The following NAV3 variants were observed in gnomAD, a reference collection of about 807,000 sequenced individuals.
NAV3 encodes the protein pore membrane and/or filament interacting like protein 1.
In NAV3, 87 loss-of-function variants were observed where a neutral mutation model predicts 244.7. The ratio of observed to expected loss-of-function variants is 0.36; its 90% CI spans 0.30 to 0.42. The LOEUF (loss-of-function observed/expected upper bound fraction) is 0.42, where lower values mean the gene tolerates loss of function less well. Among genes scored for constraint, NAV3 ranks in the 20% least tolerant of loss-of-function variants. NAV3 has a pLI of 1.00. For missense variants in NAV3, 2,663 were observed against 2,893.3 expected (o/e 0.92, Z 1.83); for synonymous variants, 1,126 against 1,042.2 (o/e 1.08, Z -1.55).
At chr12:78,092,193 T>A (rs1261025890) in intron 12 of NAV3, among the ~76,000 whole-genome samples, 1 of 152,132 alleles carries the variant, frequency 6.6e-6, no homozygotes, top group East Asian at 1.9e-4. Context: ...AACAGGTATC[T>A]GTGGAAATTG....
At chr12:78,004,874 T>C (rs1388902630) in intron 7 of NAV3, among the ~76,000 whole-genome samples, 1 of 152,218 alleles carries the variant, frequency 6.6e-6, no homozygotes, top group African/African-American at 2.4e-5. Flanking sequence ...GCTGCTGTTA[T>C]GACTATTACT....
chr12:78,188,701 T>A lies in NAV3; in HGVS notation c.5979T>A (p.His1993Gln). Residue 1993 changes from histidine (H) to glutamine (Q), a missense_variant, in exon 33 of 40, where the codon CAT becomes CAA. Around this residue, in one of 6 missense-constraint regions of NAV3, gnomAD observed 543 missense variants for 672.4 expected, o/e 0.81. Transcript: ENST00000397909. ...SYCIGDLIRS[H>Q]NLEVPELLPC... ...GTATAGGAGACTTAATTAGATCCCATAACCTAGAAGTGCCTGAATTGCTGC... is the reference window on the plus strand; with the variant it reads ...GTATAGGAGACTTAATTAGATCCCAAAACCTAGAAGTGCCTGAATTGCTGC... 1.2e-6 allele frequency: 2 copies of A among 1,612,572 alleles called. No homozygotes were observed. The highest frequency in any genetic ancestry group is 1.7e-6 in the Non-Finnish European group (2 of 1,179,010).
At position 78,094,360 on chromosome 12, in the gene NAV3, G is replaced by T. The variant is rs187065011; in HGVS notation, c.2637-22412G>T. Among the ~76,000 whole-genome samples the T allele has an allele frequency of 1.2e-4, 18 of 152,286 alleles. No homozygotes were observed. In the East Asian group the frequency reaches 3.5e-3, roughly 29 times the overall value. ...ATGCCTGAGATTTAACCTATGGCCA[G>T]GTTGTTAAACAGTGGACTGTTTATT... On this transcript the variant is annotated intron_variant, in intron 12 of 39. Coordinates refer to ENST00000397909, the MANE Select transcript of NAV3 (RefSeq NM_001024383.2).
chr12:77,892,527 T>G (rs1344574376), intron 1 of NAV3, among the ~76,000 whole-genome samples: 1 of 152,098 alleles, frequency 6.6e-6, no homozygotes, highest in East Asian at 1.9e-4. Flanking sequence ...GCAATTCTCC[T>G]GCCTCAGCCT....
At chr12:77,825,334 T>G (rs1245529722) in intron 2 of NAV3, among the ~76,000 whole-genome samples, 1 of 152,226 alleles carries the variant, frequency 6.6e-6, no homozygotes, top group Non-Finnish European at 1.5e-5. Flanking sequence ...ATTCAGTTTT[T>G]AATTTTTAAA....
chr12:77,872,994 A>T (rs940117538), intron 1 of NAV3, among the ~76,000 whole-genome samples: 1 of 152,222 alleles, frequency 6.6e-6, no homozygotes, highest in Admixed American at 6.5e-5. Flanking sequence ...GTAATTGATC[A>T]TGGGGTGGGG....
intron 2 of NAV3, among the ~76,000 whole-genome samples, chr12:77,579,007 T>A (rs1869225473): frequency 6.6e-6 from 1 of 152,096 alleles, no homozygotes; most frequent in African/African-American, 2.4e-5. Context: ...ATTCCCCTCT[T>A]CTTCTTAGAG....
chr12:77,736,787 C>A (rs1877353687), intron 2 of NAV3, among the ~76,000 whole-genome samples: 1 of 152,212 alleles, frequency 6.6e-6, no homozygotes, highest in African/African-American at 2.4e-5. Context: ...CACTATATGT[C>A]ACCACAGGAA....
At chr12:78,023,132 A>G (rs1179064012) in intron 9 of NAV3, among the ~76,000 whole-genome samples, 2 of 152,216 alleles carry the variant, frequency 1.3e-5, no homozygotes, top group African/African-American at 2.4e-5. Flanking sequence ...ATATTTATAC[A>G]TAAATGTCCT....
intron 3 of NAV3, among the ~76,000 whole-genome samples, chr12:77,962,564 C>G (rs1175866612): frequency 1.3e-5 from 2 of 152,156 alleles, no homozygotes; most frequent in Admixed American, 1.3e-4. Flanking sequence ...CATTTCTCAT[C>G]ACCTTCACTG....
At chr12:77,725,272 A>T (rs1382559652) in intron 2 of NAV3, among the ~76,000 whole-genome samples, 2 of 152,018 alleles carry the variant, frequency 1.3e-5, no homozygotes, top group East Asian at 3.9e-4. Flanking sequence ...TAATAATATT[A>T]TCCTGGGAGC....
At chr12:78,127,373 C>G (rs1240991450) in intron 17 of NAV3, among the ~76,000 whole-genome samples, 165 bp downstream of exon 17, 1 of 151,946 alleles carries the variant, frequency 6.6e-6, no homozygotes, top group East Asian at 1.9e-4. Flanking sequence ...GTGAGATAGC[C>G]CCTTAGGTAG....
intron 3 of NAV3, among the ~76,000 whole-genome samples, chr12:77,946,894 A>G (rs1051604158): frequency 5.9e-5 from 9 of 152,160 alleles, no homozygotes; most frequent in African/African-American, 2.2e-4. Context: ...TCAAAAATGC[A>G]CAGAAGAATG....
chr12:77,749,800 G>C (rs1868747096), intron 2 of NAV3, among the ~76,000 whole-genome samples: 1 of 152,168 alleles, frequency 6.6e-6, no homozygotes, highest in Non-Finnish European at 1.5e-5. Context: ...TATTTTAAGA[G>C]AGTGCTCGCT....
At chr12:77,603,980 A>T (rs921621315) in intron 2 of NAV3, among the ~76,000 whole-genome samples, 2 of 152,144 alleles carry the variant, frequency 1.3e-5, no homozygotes, top group African/African-American at 4.8e-5. Context: ...GAGTTTGCAG[A>T]GACAGGTTTG....
chr12:78,149,802 G>A (rs974250572), intron 22 of NAV3, among the ~76,000 whole-genome samples: 4 of 151,994 alleles, frequency 2.6e-5, no homozygotes, highest in Admixed American at 6.6e-5. Flanking sequence ...TGTCAAGAGT[G>A]AGCAGGTGCA....
chr12:78,072,905 C>A (rs1313605996), intron 12 of NAV3, among the ~76,000 whole-genome samples: 2 of 132,822 alleles, frequency 1.5e-5, no homozygotes, highest in South Asian at 2.9e-4. Context: ...TAAATGTAAT[C>A]CAGCATATAA....
At chr12:78,156,113 T>G (rs752772587) in intron 22 of NAV3, among the ~76,000 whole-genome samples, 2 of 152,048 alleles carry the variant, frequency 1.3e-5, no homozygotes, top group Admixed American at 1.3e-4. Flanking sequence ...TGTTCTAGGG[T>G]TTTTATAGTT....
chr12:77,855,234 C>T (rs542740131), intron 1 of NAV3, among the ~76,000 whole-genome samples: 204 of 152,224 alleles, frequency 1.3e-3, no homozygotes, highest in Admixed American at 4.1e-3. Context: ...TTATAATTGT[C>T]TAAATATTTA....
Sources: allele counts gnomAD v4.1 joint callset (sites outside exome capture counted in the v4.1 genomes callset), GRCh38; gene constraint gnomAD v4.1.1; regional missense constraint gnomAD v4.1.1; transcripts MANE v1.5; gene names NCBI Gene and HGNC (gene_info 2026-07-23, HGNC 2026-07-21).